NAALADL2: variants seen among roughly 807,000 people sequenced by gnomAD.
The protein encoded by NAALADL2 is N-acetylated alpha-linked acidic dipeptidase like 2.
A neutral mutation model predicts 87.2 loss-of-function variants in NAALADL2; 76 were observed. The ratio of observed to expected loss-of-function variants is 0.87; its 90% confidence interval spans 0.72 to 1.05. The LOEUF is 1.05. Ranked by LOEUF, NAALADL2 falls within the 50% of genes least tolerant of loss-of-function variation. NAALADL2 has a pLI of 0.00. For synonymous variants in NAALADL2, 354 were observed against 331.0 expected (o/e 1.07, Z -0.75); for missense variants, 1,089 against 945.8 (o/e 1.15, Z -1.99).
chr3:175,398,426 G>C (rs182190940), intron 5 of NAALADL2, among the ~76,000 whole-genome samples: 1 of 140,626 alleles, frequency 7.1e-6, no homozygotes, highest in Non-Finnish European at 1.5e-5. Context: ...CCCCTCCTCT[G>C]CTAATCTGTA....
Position 174,491,411 on chromosome 3 carries a change from A to AT in NAALADL2, c.-184+50386dup, listed in dbSNP as rs34068930. ...TCTCAAGCTGTTCATTTACATAGTTATTTTTTTAAACAAATCGTGTTTAAT... is the reference window on the plus strand; with the variant it reads ...TCTCAAGCTGTTCATTTACATAGTTATTTTTTTTAAACAAATCGTGTTTAAT... On this transcript the variant is annotated intron_variant, in intron 1 of 3. Coordinates refer to the NAALADL2 transcript ENST00000434257. 3.3e-5 allele frequency among the ~76,000 whole-genome samples: 5 copies of AT among 152,142 alleles called. No homozygotes were observed. The South Asian group carries it at 6.2e-4, about 19-fold the overall frequency.
intron 5 of NAALADL2, among the ~76,000 whole-genome samples, chr3:175,434,373 A>G (rs79362639): frequency 0.011 from 1,650 of 152,166 alleles, 27 homozygotes; most frequent in African/African-American, 0.037. Flanking sequence ...ACCCCAGGCC[A>G]GTCTTCTTTT....
At chr3:175,464,365 A>G (rs1723653008) in intron 7 of NAALADL2, among the ~76,000 whole-genome samples, 1 of 151,364 alleles carries the variant, frequency 6.6e-6, no homozygotes, top group Non-Finnish European at 1.5e-5. Flanking sequence ...CGGAGGTTGC[A>G]GTTAGCTGAG....
At chr3:175,366,303 G>A (rs1443013668) in intron 5 of NAALADL2, among the ~76,000 whole-genome samples, 2 of 151,460 alleles carry the variant, frequency 1.3e-5, no homozygotes, top group Admixed American at 6.6e-5. Flanking sequence ...ATTGTGAATA[G>A]TGCCTCAATA....
In NAALADL2 at chr3:175,026,242, T is replaced by C. The variant is rs548966542; in HGVS notation, c.44-70548T>C. 1.1e-3 allele frequency among the ~76,000 whole-genome samples: 163 copies of C among 152,172 alleles called. 1 individual carries two copies. Among genetic ancestry groups the C allele is most frequent in the Non-Finnish European group, 1.4e-3 (92 of 67,990 alleles). On this transcript the variant is annotated intron_variant, in intron 1 of 13. Transcript: ENST00000454872. ...GGCAATATTAATGAGAAAATACACA[T>C]GTCTAGGCATATTTTCGTGTAATCT...
chr3:174,692,568 A>G (rs1362411155), intron 2 of NAALADL2, among the ~76,000 whole-genome samples: 1 of 152,036 alleles, frequency 6.6e-6, no homozygotes, highest in Non-Finnish European at 1.5e-5. Flanking sequence ...CTGTTCTGGA[A>G]GCTGTATTTT....
intron 13 of NAALADL2, among the ~76,000 whole-genome samples, chr3:175,794,326 A>G (rs375282153): frequency 1.3e-5 from 2 of 152,254 alleles, no homozygotes; most frequent in African/African-American, 4.8e-5. Context: ...AGATAAGATG[A>G]AAGAAAATGG....
chr3:175,329,338 A>T (rs917250983), intron 5 of NAALADL2, among the ~76,000 whole-genome samples: 1 of 152,186 alleles, frequency 6.6e-6, no homozygotes, highest in Non-Finnish European at 1.5e-5. Context: ...TCCCAGTGTT[A>T]CAATTCAGTG....
At chr3:174,846,846 C>T (rs1724676337) in intron 3 of NAALADL2, among the ~76,000 whole-genome samples, 1 of 151,926 alleles carries the variant, frequency 6.6e-6, no homozygotes, top group Non-Finnish European at 1.5e-5. Flanking sequence ...GGCATGATTG[C>T]TATGTTTTAG....
chr3:174,764,455 C>A (rs1713504772), intron 3 of NAALADL2, among the ~76,000 whole-genome samples: 1 of 152,076 alleles, frequency 6.6e-6, no homozygotes, highest in African/African-American at 2.4e-5. Flanking sequence ...ACTAAAAATA[C>A]TAAAATTAGC....
intron 1 of NAALADL2, among the ~76,000 whole-genome samples, chr3:174,909,492 A>G (rs531979580): frequency 6.6e-6 from 1 of 152,286 alleles, no homozygotes; most frequent in African/African-American, 2.4e-5. Flanking sequence ...GGTAGATACT[A>G]GTAATGAGGA....
intron 1 of NAALADL2, among the ~76,000 whole-genome samples, chr3:174,474,099 T>G (rs1266102508): frequency 6.6e-6 from 1 of 152,134 alleles, no homozygotes; most frequent in Non-Finnish European, 1.5e-5. Flanking sequence ...GGTATTACAA[T>G]TCAAGATAAG....
intron 2 of NAALADL2, among the ~76,000 whole-genome samples, chr3:175,220,312 ACAAT>A (rs1743168054): frequency 7.0e-6 from 1 of 141,996 alleles, no homozygotes; most frequent in Non-Finnish European, 1.6e-5. Context: ...AATATGTAAA[ACAAT>A]CTAGAGGATA....
At chr3:175,464,220 C>G (rs890541678) in intron 7 of NAALADL2, among the ~76,000 whole-genome samples, 2 of 151,886 alleles carry the variant, frequency 1.3e-5, no homozygotes, top group African/African-American at 4.8e-5. Flanking sequence ...TATTCTATGT[C>G]CCACTCTGTA....
At chr3:175,031,436 A>G (rs577305958) in intron 1 of NAALADL2, among the ~76,000 whole-genome samples, 40 of 152,218 alleles carry the variant, frequency 2.6e-4, no homozygotes, top group Non-Finnish European at 5.3e-4. Flanking sequence ...ATGCTGCTGC[A>G]GAGGATATGA....
chr3:175,371,071 A>C (rs2148948860), intron 5 of NAALADL2, among the ~76,000 whole-genome samples: 1 of 152,344 alleles, frequency 6.6e-6, no homozygotes, highest in South Asian at 2.1e-4. Context: ...ATGGAAAAAA[A>C]CTATCCCAAA....
chr3:174,728,727 C>A (rs1362948429), intron 2 of NAALADL2, among the ~76,000 whole-genome samples: 1 of 152,124 alleles, frequency 6.6e-6, no homozygotes, highest in South Asian at 2.1e-4. Flanking sequence ...CATACTGGAG[C>A]TGGGACTGAA....
chr3:174,465,146 G>A (rs1354951517), intron 1 of NAALADL2, among the ~76,000 whole-genome samples: 2 of 151,680 alleles, frequency 1.3e-5, no homozygotes, highest in African/African-American at 4.8e-5. Flanking sequence ...TTTTTTGAAT[G>A]ATCCTTAAAG....
intron 11 of NAALADL2, among the ~76,000 whole-genome samples, chr3:175,699,181 A>G (rs1738630482): frequency 6.6e-6 from 1 of 152,042 alleles, no homozygotes; most frequent in South Asian, 2.1e-4. Flanking sequence ...TTTTGCTGGC[A>G]ATACCTTATT....
Sources: gnomAD v4.1 joint callset for allele counts (sites outside exome capture counted in the v4.1 genomes callset) on GRCh38, gnomAD v4.1.1 for gene constraint, MANE v1.5 for transcripts, NCBI Gene and HGNC (gene_info 2026-07-23, HGNC 2026-07-21) for gene names.